Variants in BMP7 observed in about 807,000 individuals in gnomAD.
The protein encoded by BMP7 is bone morphogenetic protein 7.
Under a neutral mutation model 41.2 loss-of-function variants are expected in BMP7, and 12 were observed. The observed-to-expected ratio is 0.29, with a 90% CI of 0.19 to 0.47. The LOEUF (loss-of-function observed/expected upper bound fraction) is 0.47. Ranked by LOEUF, BMP7 falls within the 20% of genes least tolerant of loss-of-function variation. The probability of loss-of-function intolerance (pLI) is 0.99; values close to 1 mark genes in which losing one functional copy is unlikely to be tolerated. For missense variants in BMP7, 467 were observed against 606.0 expected, an observed-to-expected ratio of 0.77 and a Z score of 2.41; for synonymous variants, 248 against 250.0, an observed-to-expected ratio of 0.99 and a Z score of 0.07.
At chr20:57,249,437 A>G (rs1230739899) in intron 1 of BMP7, among the ~76,000 whole-genome samples, 1 of 152,122 alleles carries the variant, frequency 6.6e-6, no homozygotes, top group African/African-American at 2.4e-5. Context: ...CTGCATAACG[A>G]AACAGCTTCC....
rs1215820665 is a variant in BMP7 at position 57,266,140 on chromosome 20, C to T, written c.-18G>A. On this transcript the variant is annotated 5_prime_UTR_variant, in exon 1 of 7. Coordinates refer to ENST00000395863, the MANE Select transcript of BMP7 (RefSeq NM_001719.3). ...ACGTGCATCGCGCCGGCTCTACGCGCTACCCGGGCTCCGGGCTCCGGGCCC... is the reference window on the plus strand; with the variant it reads ...ACGTGCATCGCGCCGGCTCTACGCGTTACCCGGGCTCCGGGCTCCGGGCCC... 3.1e-5 allele frequency: 47 copies of T among 1,516,878 alleles called. No homozygotes were observed. The highest frequency in any genetic ancestry group is 3.9e-5 in the Non-Finnish European group (44 of 1,137,586). 94.0% of individuals were successfully genotyped at this position (1,516,878 alleles called of 1,614,324 possible).
chr20:57,260,957 G>T (rs553445972), intron 1 of BMP7, among the ~76,000 whole-genome samples: 62 of 152,344 alleles, frequency 4.1e-4, no homozygotes, highest in African/African-American at 1.4e-3. Context: ...GGCAGATGGG[G>T]AAGGGTGGAG....
In BMP7 at chr20:57,171,218, G is replaced by A; in HGVS notation, c.1147-110C>T. The A allele has an allele frequency of 2.0e-6, 3 of 1,482,696 alleles. No individual in the cohort carries two copies. Among genetic ancestry groups the A allele is most frequent in the Non-Finnish European group, 2.8e-6 (3 of 1,074,866 alleles). The allele number at this position is 1,482,696 out of a possible 1,614,324, so 91.8% of individuals were successfully genotyped here. The stretch of plus-strand genomic sequence containing the variant: ...TGTCTGGGCATAATGAATGACTGCA[G>A]GTGACACTCCCCAAGCCAAGCACTC... On this transcript the variant is annotated intron_variant, in intron 6 of 6. Transcript: ENST00000395863. This position sits in a 1 kb window ranked among gnomAD's most constrained non-coding sequence, Gnocchi z 4.5.
chr20:57,232,860 C>T (rs1489357986), intron 1 of BMP7, among the ~76,000 whole-genome samples: 1 of 111,006 alleles, frequency 9.0e-6, no homozygotes, highest in Admixed American at 7.8e-5. Flanking sequence ...AGTACACACA[C>T]ACACACACAC....
intron 3 of BMP7, among the ~76,000 whole-genome samples, chr20:57,192,777 G>C (rs1984402181): frequency 2.0e-5 from 3 of 151,780 alleles, no homozygotes; most frequent in African/African-American, 7.3e-5. Context: ...CAAAAACAGG[G>C]TGCCTGATTG....
intron 1 of BMP7, among the ~76,000 whole-genome samples, chr20:57,232,405 T>C (rs1314390594): frequency 6.6e-6 from 1 of 152,064 alleles, no homozygotes; most frequent in East Asian, 1.9e-4. Context: ...AGTGCACTTA[T>C]GATTACATTT....
At chr20:57,244,333 T>A (rs915932013) in intron 1 of BMP7, among the ~76,000 whole-genome samples, 1 of 152,222 alleles carries the variant, frequency 6.6e-6, no homozygotes, top group Non-Finnish European at 1.5e-5. Flanking sequence ...TCGCTCTGAT[T>A]GCTCTGTTGC....
At chr20:57,199,374 T>C (rs568867415) in intron 3 of BMP7, among the ~76,000 whole-genome samples, 1 of 152,320 alleles carries the variant, frequency 6.6e-6, no homozygotes, top group East Asian at 1.9e-4. Context: ...AGTCTTCTTT[T>C]AGAAGGTGGC....
chr20:57,194,530 C>T (rs1390115521), intron 3 of BMP7, among the ~76,000 whole-genome samples: 1 of 152,198 alleles, frequency 6.6e-6, no homozygotes, highest in African/African-American at 2.4e-5. Flanking sequence ...AACCCTAGAT[C>T]CACTCACTTC....
At chr20:57,244,551 G>C (rs1490942683) in intron 1 of BMP7, among the ~76,000 whole-genome samples, 3 of 152,228 alleles carry the variant, frequency 2.0e-5, no homozygotes, top group Non-Finnish European at 4.4e-5. Context: ...TCACACGCAG[G>C]CTCTGCCAAT....
chr20:57,247,017 G>A (rs1389507389), intron 1 of BMP7, among the ~76,000 whole-genome samples: 1 of 151,980 alleles, frequency 6.6e-6, no homozygotes, highest in Non-Finnish European at 1.5e-5. Context: ...GACAAAGGGT[G>A]CTTGGCACAT....
intron 1 of BMP7, 125 bp downstream of exon 1, chr20:57,265,580 G>T: frequency 1.4e-6 from 2 of 1,429,770 alleles, no homozygotes; most frequent in Non-Finnish European, 9.6e-7. Context: ...AGACCCTCGG[G>T]CAGGCACTGC....
intron 1 of BMP7, among the ~76,000 whole-genome samples, chr20:57,250,746 C>G (rs926188032): frequency 5.3e-5 from 8 of 152,106 alleles, no homozygotes; most frequent in Non-Finnish European, 1.2e-4. Flanking sequence ...GTTGCCTGTG[C>G]CCCCAGCCGG....
intron 3 of BMP7, among the ~76,000 whole-genome samples, chr20:57,201,573 G>A (rs1405251107): frequency 6.6e-6 from 1 of 152,244 alleles, no homozygotes; most frequent in Non-Finnish European, 1.5e-5. Context: ...GAAAGTGGGA[G>A]GGAAACTATT....
At chr20:57,183,311 A>G (rs1479979478) in intron 4 of BMP7, among the ~76,000 whole-genome samples, 1 of 151,974 alleles carries the variant, frequency 6.6e-6, no homozygotes, top group African/African-American at 2.4e-5. Flanking sequence ...AATTTAAAAT[A>G]TTTTTCATTT....
In BMP7 at chr20:57,183,035, G is replaced by A. The variant is rs185089077; in HGVS notation, c.958+687C>T. Among the ~76,000 whole-genome samples the A allele has an allele frequency of 5.4e-3, 826 of 152,306 alleles. 4 individuals carry two copies. Among genetic ancestry groups the A allele is most frequent in the Middle Eastern group, 0.017 (5 of 294 alleles). On this transcript the variant is annotated intron_variant, in intron 4 of 6. Coordinates refer to ENST00000395863, the MANE Select transcript of BMP7 (RefSeq NM_001719.3). ...GGATCACTTGAGGTCAGGAGTTTGA[G>A]ACCGGCCTGACCGACATGGTGAAAC...
chr20:57,198,530 T>C (rs1244043299), intron 3 of BMP7, among the ~76,000 whole-genome samples: 1 of 152,174 alleles, frequency 6.6e-6, no homozygotes, highest in Non-Finnish European at 1.5e-5. Context: ...TGGGAGTTTA[T>C]AGGCTTCTCC....
At chr20:57,201,671 A>C (rs533069912) in intron 3 of BMP7, among the ~76,000 whole-genome samples, 14 of 152,380 alleles carry the variant, frequency 9.2e-5, no homozygotes, top group African/African-American at 3.4e-4. Flanking sequence ...TGTTTTGTTC[A>C]TAAAACTGGT....
At chr20:57,207,811 G>GTTTTTTTT (rs572613876) in intron 2 of BMP7, among the ~76,000 whole-genome samples, 1 of 109,982 alleles carries the variant, frequency 9.1e-6, no homozygotes, top group Non-Finnish European at 1.7e-5. Context: ...ACCCCAGTTG[G>GTTTTTTTT]TTTTTTTTTT....
Sources: gnomAD v4.1 joint callset for allele counts (sites outside exome capture counted in the v4.1 genomes callset) on GRCh38, gnomAD v4.1.1 for gene constraint, Gnocchi (gnomAD v3.1) non-coding constraint, MANE v1.5 for transcripts, NCBI Gene and HGNC (gene_info 2026-07-23, HGNC 2026-07-21) for gene names.